Variants in GAL observed in about 807,000 individuals in gnomAD.
GAL encodes galanin peptides.
GAL carries 14 observed loss-of-function variants against 15.8 expected under a neutral mutation model. The observed-to-expected ratio is 0.89, with a 90% CI of 0.59 to 1.39. The LOEUF is 1.39. GAL is among the 40% of genes most tolerant of loss of function. The pLI is 0.00. For synonymous variants in GAL, 79 were observed against 73.8 expected, an observed-to-expected ratio of 1.07 and a Z score of -0.36; for missense variants, 176 against 170.4, an observed-to-expected ratio of 1.03 and a Z score of -0.18.
chr11:68,690,074 C>G (rs1185126757), intron 5 of GAL, among the ~76,000 whole-genome samples: 1 of 133,832 alleles, frequency 7.5e-6, no homozygotes, highest in African/African-American at 2.9e-5. Context: ...AAGGGGGAGG[C>G]AGTGGTGGGG....
At chr11:68,690,161 G>A (rs1420699295) in intron 5 of GAL, among the ~76,000 whole-genome samples, 1 of 152,072 alleles carries the variant, frequency 6.6e-6, no homozygotes, top group Non-Finnish European at 1.5e-5. Flanking sequence ...GGGAGGTGGT[G>A]GAGGGGAGGA....
chr11:68,684,623 C>T lies in GAL; in HGVS notation c.-110C>T, dbSNP rs1035256067. 1.0e-4 allele frequency: 29 copies of T among 286,152 alleles called. No individual in the cohort carries two copies. Among genetic ancestry groups the T allele is most frequent in the Admixed American group, 2.6e-4 (5 of 18,976 alleles). The allele number at this position is 286,152 out of a possible 1,614,324, so 17.7% of individuals were successfully genotyped here. ...CCGGCCGCGCCATGCGGTGAGCGCC[C>T]CAGGCCGCCAGAGCCCACCCGACCC... On this transcript the variant is annotated 5_prime_UTR_variant, in exon 1 of 6. Transcript: ENST00000265643.
At chr11:68,690,847 T>A in intron 5 of GAL, 70 bp from the exon 6 acceptor site, 1 of 967,986 alleles carries the variant, frequency 1.0e-6, no homozygotes, top group East Asian at 2.4e-5. Context: ...CTGTAGCATG[T>A]GTCGTGGTTG....
At chr11:68,688,754 C>T in intron 4 of GAL, 95 bp from the exon 5 acceptor site, 1 of 711,152 alleles carries the variant, frequency 1.4e-6, no homozygotes, top group Non-Finnish European at 2.6e-6. Context: ...GATCATTGAC[C>T]TTGCAGCGCC....
intron 1 of GAL, 45 bp downstream of exon 1, chr11:68,684,777 C>T (rs1945833233): frequency 1.9e-6 from 1 of 532,210 alleles, no homozygotes; most frequent in African/African-American, 2.0e-5. Context: ...GGAGGCCTCC[C>T]CTTCGGCTTT....
rs1455782189 is a variant in GAL at position 68,685,591 on chromosome 11, A to G, written c.82-3A>G. On this transcript the variant is annotated splice_polypyrimidine_tract_variant and splice_region_variant and intron_variant, in intron 2 of 5. Coordinates refer to ENST00000265643, the MANE Select transcript of GAL (RefSeq NM_015973.5). ...GCATCTGATCCCCTTTTCTCCCTTCAAGGCCAAGGAAAAACGAGGCTGGAC... is the reference window on the plus strand; with the variant it reads ...GCATCTGATCCCCTTTTCTCCCTTCGAGGCCAAGGAAAAACGAGGCTGGAC... The G allele has an allele frequency of 6.2e-7, 1 of 1,611,536 alleles. No homozygotes were observed. The highest frequency in any genetic ancestry group is 8.5e-7 in the Non-Finnish European group (1 of 1,177,766).
chr11:68,687,326 C>A (rs1014531021), intron 3 of GAL, among the ~76,000 whole-genome samples: 3 of 152,134 alleles, frequency 2.0e-5, no homozygotes, highest in African/African-American at 7.2e-5. Flanking sequence ...CCCCACGCCT[C>A]TTGGTTTACA....
Position 68,688,892 on chromosome 11 carries a change from A to G in GAL, c.267A>G (p.Thr89=). 1 of 1,569,518 alleles carries G rather than the reference A, an allele frequency of 6.4e-7. No homozygotes were observed. The highest frequency in any genetic ancestry group is 8.8e-7 in the Non-Finnish European group (1 of 1,139,398). ...RSIPENNIMR[T]IIEFLSFLHL... Reference sequence around the variant, plus strand: ...TACCTGAAAACAATATCATGCGCACAATCATTGAGTTTCTGTCTTTCTTGC... The same window carrying G: ...TACCTGAAAACAATATCATGCGCACGATCATTGAGTTTCTGTCTTTCTTGC... The change falls in exon 5 of 6, where the codon ACA becomes ACG. Residue 89 remains threonine, a synonymous_variant. Transcript: ENST00000265643.
At chr11:68,685,031 G>T (rs561023780) in intron 2 of GAL, 27 bp downstream of exon 2, 2 of 1,492,872 alleles carry the variant, frequency 1.3e-6, no homozygotes, top group Admixed American at 3.6e-5. Context: ...TCTCCTCCGA[G>T]CGAAGGGGAC....
At chr11:68,688,338 G>C (rs560169763) in intron 4 of GAL, among the ~76,000 whole-genome samples, 1 of 152,320 alleles carries the variant, frequency 6.6e-6, no homozygotes, top group East Asian at 1.9e-4. Flanking sequence ...AGGGCCTCCA[G>C]AAGAGCGGGA....
chr11:68,689,961 GC>G (rs1945889976), intron 5 of GAL, among the ~76,000 whole-genome samples: 1 of 152,250 alleles, frequency 6.6e-6, no homozygotes, highest in African/African-American at 2.4e-5. Context: ...CCGGAAAGCG[GC>G]CCCGGTGCTC....
chr11:68,686,730 G>A (rs1945857175), intron 3 of GAL, among the ~76,000 whole-genome samples: 1 of 152,180 alleles, frequency 6.6e-6, no homozygotes, highest in African/African-American at 2.4e-5. Context: ...TGCCCATGGA[G>A]TGGCCTGACC....
chr11:68,687,956 TG>T, intron 3 of GAL, 57 bp from the exon 4 acceptor site: 1 of 1,054,502 alleles, frequency 9.5e-7, no homozygotes. Context: ...TCTTTGGGTG[TG>T]GGGAGGGCGT....
chr11:68,684,751 C>G lies in GAL; in HGVS notation c.-1+19C>G, dbSNP rs1040285467. 11 of 516,146 alleles carry G rather than the reference C, an allele frequency of 2.1e-5. No homozygotes were observed. The highest frequency in any genetic ancestry group is 3.8e-5 in the Non-Finnish European group (11 of 290,740). 32.0% of individuals were successfully genotyped at this position (516,146 alleles called of 1,614,324 possible). ...GCTCAAGGTACTACTGGCGCCGGGCCGACCCTGCGCCCCCGGGAGGCCTCC... is the reference window on the plus strand; with the variant it reads ...GCTCAAGGTACTACTGGCGCCGGGCGGACCCTGCGCCCCCGGGAGGCCTCC... On this transcript the variant is annotated intron_variant, in intron 1 of 5. Coordinates refer to ENST00000265643, the MANE Select transcript of GAL (RefSeq NM_015973.5).
chr11:68,690,451 T>G (rs1945894718), intron 5 of GAL, among the ~76,000 whole-genome samples: 1 of 152,114 alleles, frequency 6.6e-6, no homozygotes, highest in East Asian at 1.9e-4. Flanking sequence ...GGAAGGAGAC[T>G]GCCAGAGAAG....
At chr11:68,688,223 G>C in intron 4 of GAL, 123 bp downstream of exon 4, 1 of 673,788 alleles carries the variant, frequency 1.5e-6, no homozygotes, top group Non-Finnish European at 2.7e-6. Flanking sequence ...GCCATGACTT[G>C]ACTAAGACGA....
rs1945831177 is a variant in GAL, at chr11:68,684,645, A to C, written c.-88A>C. On this transcript the variant is annotated 5_prime_UTR_variant, in exon 1 of 6. Transcript: ENST00000265643. ...GCCCCAGGCCGCCAGAGCCCACCCGACCCGGCCCGACGCCCGGACCTGCCG... is the reference window on the plus strand; with the variant it reads ...GCCCCAGGCCGCCAGAGCCCACCCGCCCCGGCCCGACGCCCGGACCTGCCG... 4 of 316,552 alleles carry C rather than the reference A, an allele frequency of 1.3e-5. No homozygotes were observed. The highest frequency in any genetic ancestry group is 5.7e-6 in the Non-Finnish European group (1 of 174,494). 19.6% of individuals were successfully genotyped at this position (316,552 alleles called of 1,614,324 possible). A position where few individuals can be genotyped will look rare whatever the true frequency, so the allele number is the denominator to read the frequency against.
chr11:68,686,648 C>T (rs980083940), intron 3 of GAL, among the ~76,000 whole-genome samples: 6 of 152,196 alleles, frequency 3.9e-5, no homozygotes, highest in African/African-American at 1.4e-4. Flanking sequence ...CCGCCTGAGG[C>T]CGCGTGCGGA....
At chr11:68,688,997 A>T in intron 5 of GAL, 71 bp downstream of exon 5, 1 of 762,576 alleles carries the variant, frequency 1.3e-6, no homozygotes, top group African/African-American at 1.7e-5. Flanking sequence ...CATCGAGAAG[A>T]GAACCCATAG....
Sources: allele counts gnomAD v4.1 joint callset (sites outside exome capture counted in the v4.1 genomes callset), GRCh38; gene constraint gnomAD v4.1.1; transcripts MANE v1.5; gene names NCBI Gene and HGNC (gene_info 2026-07-23, HGNC 2026-07-21).